SYNE2: variants seen among roughly 807,000 people sequenced by gnomAD.
The protein encoded by SYNE2 is nesprin-2.
SYNE2 carries 431 observed loss-of-function variants against 856.3 expected under a neutral mutation model. The observed-to-expected ratio is 0.50, with a 90% CI of 0.47 to 0.55. The LOEUF (loss-of-function observed/expected upper bound fraction) is 0.55. Among genes scored for constraint, SYNE2 ranks in the 20% least tolerant of loss-of-function variants. The pLI, the probability that SYNE2 is intolerant of heterozygous loss-of-function variation, is 0.00. For synonymous variants in SYNE2, 2,923 were observed against 2,872.3 expected, an observed-to-expected ratio of 1.02 and a Z score of -0.56; for missense variants, 8,129 against 8,023.2, an observed-to-expected ratio of 1.01 and a Z score of -0.50.
intron 1 of SYNE2, among the ~76,000 whole-genome samples, chr14:63,901,333 C>A (rs145563397): frequency 6.6e-6 from 1 of 152,104 alleles, no homozygotes; most frequent in Non-Finnish European, 1.5e-5. Context: ...AAGAACTGAA[C>A]CTGAACTAAT....
intron 2 of SYNE2, among the ~76,000 whole-genome samples, chr14:63,926,509 C>A (rs1179226810): frequency 1.3e-5 from 2 of 152,194 alleles, no homozygotes; most frequent in Non-Finnish European, 2.9e-5. Context: ...ACTACTAACT[C>A]TGCCATTGTA....
At chr14:63,975,698 C>A (rs1001394037) in intron 11 of SYNE2, among the ~76,000 whole-genome samples, 1 of 152,128 alleles carries the variant, frequency 6.6e-6, no homozygotes, top group African/African-American at 2.4e-5. Context: ...TTTTTGAACA[C>A]AGTGTATTTT....
Position 64,167,236 on chromosome 14 carries a change from CAT to C in SYNE2, c.16610_16611del (p.His5537ArgfsTer10). ...TACTTCAATTTTTTAAAAATAGAATCATGTGCTGGCACTGACAGCCCAATCAC... is the reference window on the plus strand; with the variant it reads ...TACTTCAATTTTTTAAAAATAGAATCGTGCTGGCACTGACAGCCCAATCAC... ...EKENPDSFLN[H>X]VLALTAQSPD... On this transcript the variant is annotated frameshift_variant, in exon 91 of 116. Transcript: ENST00000555002. LOFTEE classifies it high-confidence loss of function. 1 of 1,614,180 alleles carries C rather than the reference CAT, an allele frequency of 6.2e-7. No individual in the cohort carries two copies. Among genetic ancestry groups the C allele is most frequent in the Middle Eastern group, 1.6e-4 (1 of 6,062 alleles).
chr14:64,136,654 C>A (rs527526855), intron 78 of SYNE2, among the ~76,000 whole-genome samples: 69 of 152,174 alleles, frequency 4.5e-4, no homozygotes, highest in African/African-American at 1.6e-3. Context: ...ATTTTTCTTT[C>A]CGTGAAGTTG....
rs77373867 is a variant in SYNE2 at position 64,205,709 on chromosome 14, G to A, written c.18201+2746G>A. On this transcript the variant is annotated intron_variant, in intron 100 of 115. Coordinates refer to ENST00000555002, the MANE Select transcript of SYNE2 (RefSeq NM_182914.3). ...ATAAGGTAATGGGGGTTATTCCTAC[G>A]GAATATATCATCTTTAAAATGCACA... Among the ~76,000 whole-genome samples the A allele has an allele frequency of 2.1e-4, 32 of 152,130 alleles. No homozygotes were observed. In the East Asian group the frequency reaches 5.8e-3, roughly 28 times the overall value.
At position 64,037,207 on chromosome 14, in the gene SYNE2, T is replaced by C. The variant is rs968276369; in HGVS notation, c.7221+5850T>C. Among the ~76,000 whole-genome samples, 7 of 150,552 alleles carry C rather than the reference T, an allele frequency of 4.6e-5. No individual in the cohort carries two copies. In the South Asian group the frequency reaches 1.5e-3, roughly 32 times the overall value. On this transcript the variant is annotated intron_variant, in intron 45 of 115. Coordinates refer to ENST00000555002, the MANE Select transcript of SYNE2 (RefSeq NM_182914.3). ...GGGATTTGGCGGGGTCATAGGACAA[T>C]AGTGGAGGGAAGGTCAGCAGATAAA...
At chr14:64,150,052 C>A (rs1308620757) in intron 84 of SYNE2, among the ~76,000 whole-genome samples, 1 of 135,776 alleles carries the variant, frequency 7.4e-6, no homozygotes, top group Non-Finnish European at 1.5e-5. Context: ...CACTCTGTCA[C>A]CCAGGCTGGA....
chr14:63,999,203 T>C lies in SYNE2; in HGVS notation c.3480+163T>C, dbSNP rs181655156. On this transcript the variant is annotated intron_variant, in intron 27 of 115. Transcript: ENST00000555002. ...TCTAGTGTCACCCTAGTCCATAAAGTGATTTTCTTTCAGGTACCAACCCCA... is the reference window on the plus strand; with the variant it reads ...TCTAGTGTCACCCTAGTCCATAAAGCGATTTTCTTTCAGGTACCAACCCCA... Among the ~76,000 whole-genome samples the C allele has an allele frequency of 2.7e-3, 407 of 152,316 alleles. 1 individual carries two copies. The highest frequency in any genetic ancestry group is 4.9e-3 in the Non-Finnish European group (332 of 68,014).
At chr14:63,768,894 T>C (rs756335319) in intron 1 of SYNE2, among the ~76,000 whole-genome samples, 14 of 151,216 alleles carry the variant, frequency 9.3e-5, no homozygotes, top group Admixed American at 2.0e-4. Context: ...GGCACCTAGA[T>C]GATGAAGAAC....
At chr14:63,803,215 C>T (rs1198683584) in intron 1 of SYNE2, among the ~76,000 whole-genome samples, 1 of 152,220 alleles carries the variant, frequency 6.6e-6, no homozygotes, top group East Asian at 1.9e-4. Context: ...AGTGGATCCC[C>T]CACCGGGGCT....
intron 96 of SYNE2, among the ~76,000 whole-genome samples, chr14:64,179,137 A>T (rs912062222): frequency 1.3e-5 from 2 of 151,572 alleles, no homozygotes; most frequent in African/African-American, 4.9e-5. Context: ...ATATAATGTA[A>T]TTTTTTTTTC....
chr14:64,133,997 GATTA>G (rs2098056232), intron 77 of SYNE2, 68 bp from the exon 78 acceptor site: 16 of 1,569,310 alleles, frequency 1.0e-5, no homozygotes, highest in Non-Finnish European at 1.3e-5. Context: ...TTTGTTTTGT[GATTA>G]ATTATGTTGT....
intron 87 of SYNE2, among the ~76,000 whole-genome samples, chr14:64,161,070 A>T (rs1368179163): frequency 6.6e-6 from 1 of 152,158 alleles, no homozygotes; most frequent in Non-Finnish European, 1.5e-5. Context: ...TGGGCCAGGC[A>T]TAGTGGCTCA....
chr14:64,000,676 C>G lies in SYNE2; in HGVS notation c.3595C>G (p.Leu1199Val). The G allele has an allele frequency of 1.2e-6, 2 of 1,613,260 alleles. No homozygotes were observed. Among genetic ancestry groups the G allele is most frequent in the Non-Finnish European group, 1.7e-6 (2 of 1,179,634 alleles). ...KPFVIKERDT[L>V]KERERELQMT... Reference sequence around the variant, plus strand: ...TTTTGTAATTAAGGAAAGAGACACACTAAAGGAAAGAGAAAGAGAGCTTCA... The same window carrying G: ...TTTTGTAATTAAGGAAAGAGACACAGTAAAGGAAAGAGAAAGAGAGCTTCA... The change falls in exon 28 of 116, where the codon CTA becomes GTA. Residue 1199 changes from leucine (L) to valine (V), a missense_variant. Coordinates refer to ENST00000555002, the MANE Select transcript of SYNE2 (RefSeq NM_182914.3).
chr14:64,109,967 A>G (rs535998344), intron 65 of SYNE2, among the ~76,000 whole-genome samples: 1 of 152,358 alleles, frequency 6.6e-6, no homozygotes, highest in East Asian at 1.9e-4. Flanking sequence ...AAGGATAAAT[A>G]TTTAGTATGG....
chr14:64,167,751 T>C, intron 92 of SYNE2, 112 bp downstream of exon 92: 1 of 1,444,578 alleles, frequency 6.9e-7, no homozygotes, highest in East Asian at 2.3e-5. Context: ...AAACACAGAA[T>C]GTATACCTTT....
intron 28 of SYNE2, 68 bp downstream of exon 28, chr14:64,000,787 C>A (rs2096748066): frequency 7.1e-7 from 1 of 1,414,596 alleles, no homozygotes; most frequent in Non-Finnish European, 9.8e-7. Context: ...CCATTTTAAG[C>A]AAGATTCTTG....
chr14:63,996,559 G>T (rs1045648956), intron 23 of SYNE2, among the ~76,000 whole-genome samples: 1 of 151,814 alleles, frequency 6.6e-6, no homozygotes, highest in Admixed American at 6.6e-5. Flanking sequence ...CATTATCTTC[G>T]TGCTTTTCGT....
chr14:63,792,517 T>C (rs1352334839), intron 1 of SYNE2, among the ~76,000 whole-genome samples: 1 of 152,112 alleles, frequency 6.6e-6, no homozygotes, highest in Admixed American at 6.6e-5. Flanking sequence ...ATTGTGCCAC[T>C]GCACTTCAGC....
Sources: allele counts gnomAD v4.1 joint callset (sites outside exome capture counted in the v4.1 genomes callset), GRCh38; gene constraint gnomAD v4.1.1; transcripts MANE v1.5; gene names NCBI Gene and HGNC (gene_info 2026-07-23, HGNC 2026-07-21).